Variants in RCAN2 observed in about 807,000 individuals in gnomAD.
RCAN2 encodes the protein calcipressin-2.
Under a neutral mutation model 23.6 loss-of-function variants are expected in RCAN2, and 9 were observed. The ratio of observed to expected loss-of-function variants is 0.38; its 90% CI spans 0.23 to 0.67. The LOEUF is 0.67. Ranked by LOEUF, RCAN2 falls within the 30% of genes least tolerant of loss-of-function variation. The probability of loss-of-function intolerance (pLI) is 0.51; values close to 1 mark genes in which losing one functional copy is unlikely to be tolerated. For synonymous variants in RCAN2, 109 were observed against 115.7 expected (o/e 0.94, Z 0.37); for missense variants, 273 against 302.3 (o/e 0.90, Z 0.72).
intron 2 of RCAN2, among the ~76,000 whole-genome samples, chr6:46,446,476 A>C (rs1401520109): frequency 6.6e-6 from 1 of 152,206 alleles, no homozygotes; most frequent in Non-Finnish European, 1.5e-5. Flanking sequence ...AATGAAAAGG[A>C]GGATGCTAAT....
intron 2 of RCAN2, among the ~76,000 whole-genome samples, chr6:46,291,680 A>C (rs1051383369): frequency 6.6e-6 from 1 of 151,772 alleles, no homozygotes; most frequent in Non-Finnish European, 1.5e-5. Flanking sequence ...ACCCTTACTT[A>C]GGACAAAACA....
At chr6:46,471,002 G>A (rs1252637445) in intron 1 of RCAN2, among the ~76,000 whole-genome samples, 1 of 152,200 alleles carries the variant, frequency 6.6e-6, no homozygotes, top group Non-Finnish European at 1.5e-5. Context: ...CCTGTGTAGT[G>A]TGGCTCTGGT....
intron 2 of RCAN2, among the ~76,000 whole-genome samples, chr6:46,294,752 GA>G (rs1762665386): frequency 6.6e-6 from 1 of 152,126 alleles, no homozygotes; most frequent in African/African-American, 2.4e-5. Context: ...AAGCTGGAAG[GA>G]AATGTACCAG....
chr6:46,459,436 C>T (rs2150434546), intron 1 of RCAN2, among the ~76,000 whole-genome samples: 1 of 152,280 alleles, frequency 6.6e-6, no homozygotes, highest in East Asian at 1.9e-4. Flanking sequence ...AAGCTTAACT[C>T]AGGACTCATT....
At chr6:46,223,959 C>A (rs1039629116) in intron 4 of RCAN2, among the ~76,000 whole-genome samples, 4 of 152,154 alleles carry the variant, frequency 2.6e-5, no homozygotes, top group African/African-American at 9.7e-5. Flanking sequence ...GAGCATCTCT[C>A]GTGGTCTATT....
chr6:46,228,966 T>A (rs1389647077), intron 4 of RCAN2, among the ~76,000 whole-genome samples: 1 of 152,208 alleles, frequency 6.6e-6, no homozygotes, highest in African/African-American at 2.4e-5. Flanking sequence ...GCAGGCCTGG[T>A]GATGACAAAA....
At chr6:46,240,937 C>A (rs9472724) in intron 4 of RCAN2, among the ~76,000 whole-genome samples, 4,550 of 152,124 alleles carry the variant, frequency 0.03, 199 homozygotes, top group African/African-American at 0.1. Flanking sequence ...TTTTAAAAAC[C>A]CTTCTCTGCA....
At chr6:46,455,235 G>A (rs1271530880) in intron 2 of RCAN2, among the ~76,000 whole-genome samples, 4 of 152,172 alleles carry the variant, frequency 2.6e-5, no homozygotes, top group Non-Finnish European at 4.4e-5. Context: ...TAAATAGTCT[G>A]ATGATCATAG....
intron 2 of RCAN2, among the ~76,000 whole-genome samples, chr6:46,377,645 G>A (rs1765513842): frequency 6.6e-6 from 1 of 152,190 alleles, no homozygotes; most frequent in Non-Finnish European, 1.5e-5. Context: ...TGGCATAAAT[G>A]AGAACCTTAC....
At chr6:46,376,930 G>C (rs1345965592) in intron 2 of RCAN2, among the ~76,000 whole-genome samples, 3 of 148,542 alleles carry the variant, frequency 2.0e-5, no homozygotes, top group African/African-American at 7.4e-5. Flanking sequence ...AGTGTAGATA[G>C]GGCATTTGGT....
intron 2 of RCAN2, among the ~76,000 whole-genome samples, chr6:46,268,369 T>C (rs1278012991): frequency 1.3e-5 from 2 of 152,210 alleles, no homozygotes; most frequent in Non-Finnish European, 2.9e-5. Flanking sequence ...TTTAATAAAG[T>C]CATTCATCAT....
chr6:46,341,416 A>T (rs1215022311), intron 2 of RCAN2, among the ~76,000 whole-genome samples: 2 of 152,170 alleles, frequency 1.3e-5, no homozygotes, highest in Admixed American at 6.5e-5. Flanking sequence ...TAAAAATCAT[A>T]AAAAAATCAT....
intron 2 of RCAN2, among the ~76,000 whole-genome samples, chr6:46,321,012 A>C (rs1763598054): frequency 6.6e-6 from 1 of 152,220 alleles, no homozygotes; most frequent in Non-Finnish European, 1.5e-5. Context: ...AGCACATCAG[A>C]TAAGATGGCT....
At chr6:46,276,481 T>C (rs116302729) in intron 2 of RCAN2, among the ~76,000 whole-genome samples, 6 of 152,162 alleles carry the variant, frequency 3.9e-5, no homozygotes, top group African/African-American at 9.6e-5. Context: ...TATCCCACCA[T>C]CAAAAGAGGC....
At chr6:46,432,954 A>C (rs980822457) in intron 2 of RCAN2, among the ~76,000 whole-genome samples, 2 of 152,180 alleles carry the variant, frequency 1.3e-5, no homozygotes, top group Non-Finnish European at 2.9e-5. Flanking sequence ...ATCATTCCTG[A>C]ATCTTTAAGT....
chr6:46,238,241 T>G (rs1409258548), intron 4 of RCAN2, among the ~76,000 whole-genome samples: 1 of 152,156 alleles, frequency 6.6e-6, no homozygotes, highest in Non-Finnish European at 1.5e-5. Flanking sequence ...TCTATACATC[T>G]CACCTCTTCC....
At chr6:46,411,492 T>C (rs1418207104) in intron 2 of RCAN2, among the ~76,000 whole-genome samples, 1 of 152,204 alleles carries the variant, frequency 6.6e-6, no homozygotes, top group Admixed American at 6.5e-5. Flanking sequence ...TTTTATGTTA[T>C]GTATTTTTAT....
intron 2 of RCAN2, among the ~76,000 whole-genome samples, chr6:46,271,194 ATT>A (rs934973082): frequency 6.6e-6 from 1 of 152,168 alleles, no homozygotes; most frequent in Admixed American, 6.5e-5. Context: ...AGAGAAAGAG[ATT>A]TATTCTAAGG....
At chr6:46,456,606 T>C (rs1768038804) in intron 2 of RCAN2, 146 bp downstream of exon 2, 1 of 626,666 alleles carries the variant, frequency 1.6e-6, no homozygotes, top group South Asian at 2.0e-5. Context: ...TAGAATGGGA[T>C]TTTCTTATCC....
Sources: gnomAD v4.1 joint callset for allele counts (sites outside exome capture counted in the v4.1 genomes callset) on GRCh38, gnomAD v4.1.1 for gene constraint, MANE v1.5 for transcripts, NCBI Gene and HGNC (gene_info 2026-07-23, HGNC 2026-07-21) for gene names.